The following CNKSR1 variants were observed in gnomAD, a reference collection of about 807,000 sequenced individuals.
The protein encoded by CNKSR1 is CNK homolog protein 1.
In CNKSR1, 88 loss-of-function variants were observed where a neutral mutation model predicts 95.6. The observed-to-expected ratio is 0.92, with a 90% CI of 0.78 to 1.10. The LOEUF (loss-of-function observed/expected upper bound fraction) is 1.10, where lower values mean the gene tolerates loss of function less well. Among genes scored for constraint, CNKSR1 ranks in the 50% least tolerant of loss-of-function variants. The probability of loss-of-function intolerance (pLI) is 0.00; values close to 1 mark genes in which losing one functional copy is unlikely to be tolerated. For missense variants in CNKSR1, 836 were observed against 912.0 expected (o/e 0.92, Z 1.07); for synonymous variants, 355 against 369.7 (o/e 0.96, Z 0.46).
intron 14 of CNKSR1, among the ~76,000 whole-genome samples, chr1:26,185,557 A>T (rs2124513892): frequency 6.6e-6 from 1 of 151,954 alleles, no homozygotes; most frequent in South Asian, 2.1e-4. Flanking sequence ...AACGCCCAGC[A>T]TATTTTTTGT....
chr1:26,188,992 T>C, intron 20 of CNKSR1, 39 bp downstream of exon 20: 1 of 1,605,916 alleles, frequency 6.2e-7, no homozygotes, highest in Non-Finnish European at 8.5e-7. Flanking sequence ...GGGACTAGGC[T>C]CTGGGCTTCA....
chr1:26,184,117 T>C lies in CNKSR1; in HGVS notation c.902T>C (p.Leu301Pro), dbSNP rs1425133858. ...LDSPHQRSPS[L>P]SLAPLSPRAP... ...TCCCCGCACCAGAGGAGCCCATCACTGTCTCTGGCCCCACTGTCTCCCAGG... is the reference window on the plus strand; with the variant it reads ...TCCCCGCACCAGAGGAGCCCATCACCGTCTCTGGCCCCACTGTCTCCCAGG... The change falls in exon 10 of 21, where the codon CTG (leucine) becomes CCG (proline). Residue 301 changes from leucine (L) to proline (P), a missense_variant. Leu to Pro is a moderately conservative substitution (Grantham distance 98). Coordinates refer to ENST00000361530, the MANE Select transcript of CNKSR1 (RefSeq NM_006314.3). 3 of 1,611,786 alleles carry C rather than the reference T, an allele frequency of 1.9e-6. No individual in the cohort carries two copies.
intron 3 of CNKSR1, chr1:26,181,182 G>A: frequency 2.6e-6 from 1 of 387,172 alleles, no homozygotes; most frequent in Non-Finnish European, 5.0e-6. Flanking sequence ...TGGGGAGGCT[G>A]AGGCAGGAGA....
chr1:26,188,925 G>A lies in CNKSR1; in HGVS notation c.1844G>A (p.Arg615His), dbSNP rs61762998. 2,777 of 1,613,802 alleles carry A rather than the reference G, an allele frequency of 1.7e-3. 27 individuals are homozygous for A. In the African/African-American group the frequency reaches 0.022, roughly 13 times the overall value. Residue 615 changes from arginine to histidine, a missense_variant, in exon 20 of 21, where the codon CGT becomes CAT. Coordinates refer to ENST00000361530, the MANE Select transcript of CNKSR1 (RefSeq NM_006314.3). ...CCTCAGCTCAATGAGCGAGTGCACCGTGTGCGGGCGCTACAGAGCACACTC... is the reference window on the plus strand; with the variant it reads ...CCTCAGCTCAATGAGCGAGTGCACCATGTGCGGGCGCTACAGAGCACACTC... ...RDPQLNERVHRVRALQSTLKA... is the reference protein window; with the variant it reads ...RDPQLNERVHHVRALQSTLKA...
At chr1:26,186,081 G>A (rs1306637426) in intron 14 of CNKSR1, among the ~76,000 whole-genome samples, 1 of 152,176 alleles carries the variant, frequency 6.6e-6, no homozygotes, top group African/African-American at 2.4e-5. Flanking sequence ...CTAAGATAAA[G>A]GGAAAGCCCA....
At chr1:26,182,894 C>T (rs1313629116) in intron 6 of CNKSR1, among the ~76,000 whole-genome samples, 1 of 152,124 alleles carries the variant, frequency 6.6e-6, no homozygotes, top group Non-Finnish European at 1.5e-5. Context: ...AATCTTTGAC[C>T]AGTGGGGAAG....
intron 3 of CNKSR1, 191 bp from the exon 4 acceptor site, chr1:26,181,666 A>G: frequency 1.6e-6 from 1 of 625,198 alleles, no homozygotes; most frequent in Non-Finnish European, 2.9e-6. Context: ...AGGGCTTGGC[A>G]TGTGGTAGGC....
Position 26,180,750 on chromosome 1 carries a change from G to C in CNKSR1, c.246G>C (p.Leu82=). ...SRLQTENLQS[L]TEGLLGATHD... The stretch of plus-strand genomic sequence containing the variant: ...TACAGACAGAGAACCTGCAAAGCCT[G>C]ACAGAGGGACTTCTGGGGGCAACCC... The change falls in exon 3 of 21, where the codon CTG becomes CTC. Residue 82 remains leucine (L), a synonymous_variant. Coordinates refer to ENST00000361530, the MANE Select transcript of CNKSR1 (RefSeq NM_006314.3). 6.2e-7 allele frequency: 1 copy of C among 1,614,242 alleles called. No individual in the cohort carries two copies. Among genetic ancestry groups the C allele is most frequent in the Non-Finnish European group, 8.5e-7 (1 of 1,180,036 alleles).
Position 26,185,055 on chromosome 1 carries a change from G to T in CNKSR1, c.1177G>T (p.Glu393Ter). 6.2e-7 allele frequency: 1 copy of T among 1,604,520 alleles called. No homozygotes were observed. ...GAGCCGCCGGCGGGTGTCATGCCGT[G>T]AGCTGGGCCGGCCGGACTGTGACGG... ...RLSRRRVSCR[E>*]LGRPDCDGWL... Residue 393 changes from glutamate to a stop codon, truncating the protein, a stop_gained, in exon 14 of 21, where the codon GAG (glutamate) becomes TAG (stop). Transcript: ENST00000361530. LOFTEE classifies it high-confidence loss of function.
intron 13 of CNKSR1, 101 bp from the exon 14 acceptor site, chr1:26,184,913 T>G (rs2088719805): frequency 8.2e-7 from 1 of 1,221,066 alleles, no homozygotes; most frequent in Admixed American, 2.2e-5. Flanking sequence ...GAGTGTGGGT[T>G]CAGAGATCTC....
chr1:26,179,629 G>A (rs1186051052), intron 1 of CNKSR1, among the ~76,000 whole-genome samples: 1 of 152,176 alleles, frequency 6.6e-6, no homozygotes, highest in Non-Finnish European at 1.5e-5. Flanking sequence ...AGTGGCCAAG[G>A]CCTTGACATA....
Position 26,180,490 on chromosome 1 carries a change from C to T in CNKSR1, c.90C>T (p.Asp30=). 6.2e-7 allele frequency: 1 copy of T among 1,614,206 alleles called. No homozygotes were observed. The highest frequency in any genetic ancestry group is 8.5e-7 in the Non-Finnish European group (1 of 1,180,052). ...DDSLQDYPFE[D]WQLPGKNLLQ... ...CCCTGCAGGACTATCCCTTTGAGGA[C>T]TGGCAGCTGCCTGGCAAGAACCTGC... Residue 30 remains aspartate (D), a synonymous_variant, in exon 2 of 21, where the codon GAC becomes GAT. Transcript: ENST00000361530.
chr1:26,189,522 A>T lies in CNKSR1; in HGVS notation c.2116A>T (p.Ser706Cys), dbSNP rs761141542. ...HSHLCPLTSE[S>C]SLRPPDL ...CCATCTCTGCCCCCTGACCTCAGAG[A>T]GCAGCCTCCGACCTCCTGACCTCTG... Residue 706 changes from serine (S) to cysteine (C), a missense_variant, in exon 21 of 21, where the codon AGC becomes TGC. Transcript: ENST00000361530. 1 of 1,579,856 alleles carries T rather than the reference A, an allele frequency of 6.3e-7. No homozygotes were observed. The highest frequency in any genetic ancestry group is 8.7e-7 in the Non-Finnish European group (1 of 1,148,852).
chr1:26,177,927 G>A (rs61776643), intron 1 of CNKSR1, among the ~76,000 whole-genome samples: 19,731 of 151,916 alleles, frequency 0.13, 1,678 homozygotes, highest in Middle Eastern at 0.24. Context: ...AGATTGCACC[G>A]CTGCACTCCA....
chr1:26,183,957 G>C (rs750678186), intron 9 of CNKSR1, 114 bp from the exon 10 acceptor site: 3 of 534,316 alleles, frequency 5.6e-6, no homozygotes, highest in South Asian at 1.8e-5. Context: ...CGCCCCCCTA[G>C]CTCCCTTCAG....
chr1:26,180,554 C>T lies in CNKSR1; in HGVS notation c.154C>T (p.Arg52Trp), dbSNP rs201898585. ...CCAAAGCCTCGAGGCTCTGGCTGTG[C>T]GGTCTCTGGGACACCAGGAGCTCAT... ...CPQSLEALAV[R>W]SLGHQELILG... The change falls in exon 2 of 21, where the codon CGG becomes TGG. Residue 52 changes from arginine to tryptophan, a missense_variant. Coordinates refer to ENST00000361530, the MANE Select transcript of CNKSR1 (RefSeq NM_006314.3). 1.5e-5 allele frequency: 24 copies of T among 1,614,072 alleles called. No homozygotes were observed. The highest frequency in any genetic ancestry group is 6.7e-5 in the East Asian group (3 of 44,898).
intron 14 of CNKSR1, among the ~76,000 whole-genome samples, chr1:26,185,599 A>G (rs2124513943): frequency 6.6e-6 from 1 of 152,116 alleles, no homozygotes; most frequent in South Asian, 2.1e-4. Flanking sequence ...TCACCGTGTT[A>G]GCCAGGATGG....
chr1:26,183,947 CG>C lies in CNKSR1; in HGVS notation c.855+118del, dbSNP rs1557622088. The C allele has an allele frequency of 7.9e-6, 4 of 509,238 alleles. No individual in the cohort carries two copies. In the Admixed American group the frequency reaches 8.0e-5, roughly 10 times the overall value. 31.5% of individuals were successfully genotyped at this position (509,238 alleles called of 1,614,324 possible). The stretch of plus-strand genomic sequence containing the variant: ...CCCCAACAGGCACCTTCCCCTGCTG[CG>C]CCCCCCTAGCTCCCTTCAGACCCCC... On this transcript the variant is annotated intron_variant, in intron 9 of 20. Transcript: ENST00000361530.
Position 26,182,625 on chromosome 1 carries a change from C to T in CNKSR1, c.624+41C>T, listed in dbSNP as rs749709918. On this transcript the variant is annotated intron_variant, in intron 6 of 20. Coordinates refer to ENST00000361530, the MANE Select transcript of CNKSR1 (RefSeq NM_006314.3). ...CCACCTCTCACTTCTGACCCCTTGG[C>T]AGCCTTGTCTGGGCCCTGAAATAGG... 2.6e-6 allele frequency: 4 copies of T among 1,545,996 alleles called. No homozygotes were observed. The East Asian group carries it at 6.9e-5, about 26-fold the overall frequency.
Sources: gnomAD v4.1 joint callset for allele counts (sites outside exome capture counted in the v4.1 genomes callset) on GRCh38, gnomAD v4.1.1 for gene constraint, MANE v1.5 for transcripts, NCBI Gene and HGNC (gene_info 2026-07-23, HGNC 2026-07-21) for gene names.